The following EEA1 variants were observed in gnomAD, a reference collection of about 807,000 sequenced individuals.
The protein encoded by EEA1 is early endosome antigen 1, 162kD.
In EEA1, 111 loss-of-function variants were observed where a neutral mutation model predicts 209.2. The ratio of observed to expected loss-of-function variants is 0.53; its 90% CI spans 0.45 to 0.62. The LOEUF is 0.62. Ranked by LOEUF, EEA1 falls within the 20% of genes least tolerant of loss-of-function variation. The pLI, the probability that EEA1 is intolerant of heterozygous loss-of-function variation, is 0.00. For missense variants in EEA1, 1,343 were observed against 1,530.8 expected (o/e 0.88, Z 2.05); for synonymous variants, 536 against 540.6 (o/e 0.99, Z 0.12).
chr12:92,845,959 T>A (rs560854972), intron 9 of EEA1, among the ~76,000 whole-genome samples: 1 of 152,318 alleles, frequency 6.6e-6, no homozygotes, highest in South Asian at 2.1e-4. Context: ...ACTTCCTTGG[T>A]TTTCTGAAAT....
At chr12:92,849,772 G>A (rs552232661) in intron 9 of EEA1, among the ~76,000 whole-genome samples, 2 of 152,278 alleles carry the variant, frequency 1.3e-5, no homozygotes, top group South Asian at 4.1e-4. Context: ...TTGATGACAT[G>A]TTATATTTGT....
At chr12:92,777,167 C>G (rs1873689962) in intron 27 of EEA1, among the ~76,000 whole-genome samples, 1 of 151,858 alleles carries the variant, frequency 6.6e-6, no homozygotes, top group Non-Finnish European at 1.5e-5. Flanking sequence ...CCTGAAATAT[C>G]TTGCTAACCT....
chr12:92,919,268 C>A (rs1880891288), intron 1 of EEA1, among the ~76,000 whole-genome samples: 1 of 148,586 alleles, frequency 6.7e-6, no homozygotes. Context: ...CATCCTGATA[C>A]CAAAGCTGGG....
At chr12:92,801,500 G>C (rs1874905759) in intron 20 of EEA1, 100 bp downstream of exon 20, 1 of 718,992 alleles carries the variant, frequency 1.4e-6, no homozygotes, top group South Asian at 2.6e-5. Context: ...AATTATCTGT[G>C]GAAATGCCCC....
chr12:92,880,450 A>C (rs1487039040), intron 2 of EEA1, among the ~76,000 whole-genome samples: 1 of 152,080 alleles, frequency 6.6e-6, no homozygotes, highest in Non-Finnish European at 1.5e-5. Flanking sequence ...GATTACACGC[A>C]CACGCCACAG....
chr12:92,851,834 G>C (rs1002536012), intron 8 of EEA1, among the ~76,000 whole-genome samples: 1 of 151,968 alleles, frequency 6.6e-6, no homozygotes, highest in Admixed American at 6.6e-5. Context: ...ATTAAAGCTA[G>C]AAATTCAACA....
chr12:92,868,057 A>G (rs1365093776), intron 2 of EEA1, among the ~76,000 whole-genome samples: 1 of 152,210 alleles, frequency 6.6e-6, no homozygotes, highest in East Asian at 1.9e-4. Flanking sequence ...GCCAGAATGA[A>G]GGGCAGGGGC....
chr12:92,888,587 C>CA (rs1214483835), intron 2 of EEA1, among the ~76,000 whole-genome samples: 6 of 127,922 alleles, frequency 4.7e-5, no homozygotes, highest in Non-Finnish European at 8.5e-5. Flanking sequence ...AAAAAACAAA[C>CA]AAACAAACAA....
intron 1 of EEA1, among the ~76,000 whole-genome samples, chr12:92,904,979 G>A (rs566740854): frequency 6.6e-6 from 1 of 152,264 alleles, no homozygotes; most frequent in South Asian, 2.1e-4. Context: ...CCCTCTCTAT[G>A]CCTGAAGGTC....
At chr12:92,848,530 T>C (rs753862430) in intron 9 of EEA1, among the ~76,000 whole-genome samples, 2 of 152,024 alleles carry the variant, frequency 1.3e-5, no homozygotes, top group East Asian at 1.9e-4. Flanking sequence ...AAATGACTTA[T>C]TCTCCTTAGA....
intron 1 of EEA1, among the ~76,000 whole-genome samples, chr12:92,893,019 T>C (rs1461343162): frequency 6.6e-6 from 1 of 152,150 alleles, no homozygotes; most frequent in Non-Finnish European, 1.5e-5. Flanking sequence ...CAAGTCCCCA[T>C]CACCTACCAC....
chr12:92,798,989 AGTTGTT>A lies in EEA1; in HGVS notation c.2864_2869del (p.Gln955_Gln956del). The stretch of plus-strand genomic sequence containing the variant: ...CTTTAGCTCATTTATGTTCCCCTGA[AGTTGTT>A]GCTCTTCTTTTTCATTTTGTTTTAA... On this transcript the variant is annotated inframe_deletion, in exon 21 of 29. Transcript: ENST00000322349. 3 of 1,613,166 alleles carry A rather than the reference AGTTGTT, an allele frequency of 1.9e-6. No individual in the cohort carries two copies. Among genetic ancestry groups the A allele is most frequent in the Non-Finnish European group, 1.7e-6 (2 of 1,179,622 alleles).
chr12:92,857,198 A>G lies in EEA1; in HGVS notation c.366+77T>C. On this transcript the variant is annotated intron_variant, in intron 5 of 28. Coordinates refer to ENST00000322349, the MANE Select transcript of EEA1 (RefSeq NM_003566.4). The stretch of plus-strand genomic sequence containing the variant: ...TATATCAGGCCGCCACCTGCTTGCA[A>G]AAAGGTATTAAGTTTAGTTTTCAAC... The G allele has an allele frequency of 2.9e-5, 34 of 1,189,242 alleles. No homozygotes were observed. In the South Asian group the frequency reaches 5.5e-4, roughly 19 times the overall value. 73.7% of individuals were successfully genotyped at this position (1,189,242 alleles called of 1,614,324 possible). A position where few individuals can be genotyped will look rare whatever the true frequency, so the allele number is the denominator to read the frequency against.
chr12:92,911,106 T>C (rs1286824054), intron 1 of EEA1, among the ~76,000 whole-genome samples: 1 of 150,228 alleles, frequency 6.7e-6, no homozygotes, highest in Admixed American at 6.6e-5. Flanking sequence ...ATACTCTTAC[T>C]ATACAATTCA....
chr12:92,858,471 G>A (rs564626690), intron 3 of EEA1: 109 of 1,113,236 alleles, frequency 9.8e-5, no homozygotes, highest in Non-Finnish European at 1.5e-4. Flanking sequence ...AGAAGACATT[G>A]GTGTTGGAGA....
At chr12:92,836,015 G>C (rs1876915388) in intron 10 of EEA1, among the ~76,000 whole-genome samples, 1 of 152,092 alleles carries the variant, frequency 6.6e-6, no homozygotes, top group Non-Finnish European at 1.5e-5. Context: ...GGTTTTTGAA[G>C]AGTGACTTTT....
At chr12:92,860,700 T>C (rs931993865) in intron 3 of EEA1, among the ~76,000 whole-genome samples, 1 of 152,034 alleles carries the variant, frequency 6.6e-6, no homozygotes, top group Non-Finnish European at 1.5e-5. Flanking sequence ...TGGCTGGCCA[T>C]GGAGAAAGCT....
At chr12:92,858,842 G>C in intron 3 of EEA1, 1 of 748,408 alleles carries the variant, frequency 1.3e-6, no homozygotes, top group Non-Finnish European at 2.5e-6. Context: ...CTTGTTATTG[G>C]TGTGCCTCGG....
intron 13 of EEA1, 72 bp from the exon 14 acceptor site, chr12:92,819,583 T>A: frequency 9.4e-7 from 1 of 1,068,448 alleles, no homozygotes; most frequent in African/African-American, 1.6e-5. Context: ...ATAAAATGAC[T>A]AATAATAAAT....
Sources: gnomAD v4.1 joint callset for allele counts (sites outside exome capture counted in the v4.1 genomes callset) on GRCh38, gnomAD v4.1.1 for gene constraint, MANE v1.5 for transcripts, NCBI Gene and HGNC (gene_info 2026-07-23, HGNC 2026-07-21) for gene names.